The following LSAMP variants were observed in gnomAD, a reference collection of about 807,000 sequenced individuals.
LSAMP encodes limbic system-associated membrane protein.
In LSAMP, 7 loss-of-function variants were observed where a neutral mutation model predicts 38.6. The ratio of observed to expected loss-of-function variants is 0.18; its 90% CI spans 0.10 to 0.34. The LOEUF is 0.34. Ranked by LOEUF, LSAMP falls within the 10% of genes least tolerant of loss-of-function variation. The pLI is 1.00. For synonymous variants in LSAMP, 154 were observed against 166.8 expected, an observed-to-expected ratio of 0.92 and a Z score of 0.59; for missense variants, 313 against 420.0, an observed-to-expected ratio of 0.75 and a Z score of 2.23.
At chr3:116,032,870 A>G (rs902847995) in intron 2 of LSAMP, among the ~76,000 whole-genome samples, 3 of 152,166 alleles carry the variant, frequency 2.0e-5, no homozygotes, top group African/African-American at 7.2e-5. Context: ...CATATTGATT[A>G]AATTAAACAG....
chr3:116,194,377 T>TTTTGTTTGTTTG (rs138140039), intron 1 of LSAMP, among the ~76,000 whole-genome samples: 10 of 151,108 alleles, frequency 6.6e-5, no homozygotes, highest in East Asian at 2.0e-4. Context: ...GGGAATTGTT[T>TTTTGTTTGTTTG]TTTGTTTGTT....
chr3:115,886,554 A>G (rs1390118098), intron 3 of LSAMP, among the ~76,000 whole-genome samples: 1 of 152,012 alleles, frequency 6.6e-6, no homozygotes, highest in Non-Finnish European at 1.5e-5. Context: ...TTTTTCTTTC[A>G]GACTTGAAAT....
intron 1 of LSAMP, among the ~76,000 whole-genome samples, chr3:116,207,773 A>C (rs551189411): frequency 2.6e-4 from 39 of 152,160 alleles, no homozygotes; most frequent in Admixed American, 6.5e-4. Context: ...CCGAGAGATC[A>C]GCTGTTAGTC....
At chr3:116,300,286 A>G (rs1287235019) in intron 1 of LSAMP, among the ~76,000 whole-genome samples, 1 of 152,236 alleles carries the variant, frequency 6.6e-6, no homozygotes, top group Non-Finnish European at 1.5e-5. Context: ...AAGTCATAAC[A>G]GACAGCAAAA....
At chr3:116,403,574 T>C (rs979398707) in intron 1 of LSAMP, among the ~76,000 whole-genome samples, 6 of 152,084 alleles carry the variant, frequency 3.9e-5, no homozygotes, top group African/African-American at 7.2e-5. Context: ...ATTAATAAAA[T>C]TTAGCTAAAA....
In LSAMP at chr3:116,366,013, T is replaced by TAAAAAAA. The variant is rs67452614; in HGVS notation, c.155+78857_155+78863dup. On this transcript the variant is annotated intron_variant, in intron 1 of 6. Transcript: ENST00000490035. ...ATGTACCCTAAAACTTAGAGTATAA[T>TAAAAAAA]AAAAAAAAAAAAAAAAAAAAAAAAA... Among the ~76,000 whole-genome samples the TAAAAAAA allele has an allele frequency of 4.7e-3, 135 of 28,654 alleles. 10 individuals carry two copies. Among genetic ancestry groups the TAAAAAAA allele is most frequent in the East Asian group, 7.2e-3 (4 of 556 alleles). The allele number at this position is 28,654 out of a possible 152,430, so 18.8% of individuals were successfully genotyped here. A position where few individuals can be genotyped will look rare whatever the true frequency, so the allele number is the denominator to read the frequency against.
At chr3:116,432,033 A>T (rs1171374283) in intron 1 of LSAMP, among the ~76,000 whole-genome samples, 1 of 151,918 alleles carries the variant, frequency 6.6e-6, no homozygotes, top group Non-Finnish European at 1.5e-5. Context: ...ACATTGTCTG[A>T]CTCCCCTTAC....
chr3:116,091,559 TAATA>T (rs1274619092), intron 1 of LSAMP, among the ~76,000 whole-genome samples: 1 of 152,216 alleles, frequency 6.6e-6, no homozygotes, highest in Non-Finnish European at 1.5e-5. Context: ...TTTGGGGAAC[TAATA>T]AATGTCCATA....
chr3:116,067,634 A>G (rs2107372256), intron 2 of LSAMP, among the ~76,000 whole-genome samples: 1 of 152,302 alleles, frequency 6.6e-6, no homozygotes, highest in African/African-American at 2.4e-5. Flanking sequence ...GCCGGGCGGC[A>G]TTCTTGAACA....
intron 1 of LSAMP, among the ~76,000 whole-genome samples, chr3:116,383,291 T>C (rs1450066545): frequency 6.6e-6 from 1 of 152,136 alleles, no homozygotes; most frequent in African/African-American, 2.4e-5. Flanking sequence ...AGCTCCATTT[T>C]CTGTGTCATG....
At chr3:116,095,087 C>T (rs936473749) in intron 1 of LSAMP, among the ~76,000 whole-genome samples, 1 of 152,142 alleles carries the variant, frequency 6.6e-6, no homozygotes, top group African/African-American at 2.4e-5. Flanking sequence ...TTATATTTTG[C>T]AGTGTGATGA....
chr3:116,028,203 T>C (rs190747067), intron 2 of LSAMP, among the ~76,000 whole-genome samples: 16 of 152,282 alleles, frequency 1.1e-4, no homozygotes, highest in African/African-American at 3.8e-4. Flanking sequence ...AGAATAAAAA[T>C]ACACAATGCA....
intron 3 of LSAMP, among the ~76,000 whole-genome samples, chr3:115,983,170 G>T (rs1486376775): frequency 1.3e-5 from 2 of 151,928 alleles, no homozygotes; most frequent in East Asian, 3.9e-4. Flanking sequence ...TGGGTCATCT[G>T]GGTCACTATA....
intron 1 of LSAMP, among the ~76,000 whole-genome samples, chr3:116,287,706 G>T (rs1177449418): frequency 6.6e-6 from 1 of 151,964 alleles, no homozygotes; most frequent in Non-Finnish European, 1.5e-5. Flanking sequence ...AAAATAAATG[G>T]CCATTTATCT....
intron 1 of LSAMP, among the ~76,000 whole-genome samples, chr3:116,384,923 G>C (rs2048605686): frequency 6.6e-6 from 1 of 151,262 alleles, no homozygotes; most frequent in Non-Finnish European, 1.5e-5. Context: ...AAAGCTGTAT[G>C]TCAAAACAAC....
chr3:116,022,554 G>A, intron 2 of LSAMP, among the ~76,000 whole-genome samples: 1 of 152,064 alleles, frequency 6.6e-6, no homozygotes, highest in East Asian at 1.9e-4. Flanking sequence ...GCTCCTTCCA[G>A]TTGTTATTTT....
chr3:115,962,751 A>G (rs889599217), intron 3 of LSAMP, among the ~76,000 whole-genome samples: 2 of 152,256 alleles, frequency 1.3e-5, no homozygotes, highest in Admixed American at 1.3e-4. Flanking sequence ...AATTAGATCC[A>G]CAGGACATTG....
At chr3:116,008,755 G>T (rs1940239648) in intron 3 of LSAMP, among the ~76,000 whole-genome samples, 1 of 151,846 alleles carries the variant, frequency 6.6e-6, no homozygotes, top group Non-Finnish European at 1.5e-5. Flanking sequence ...GAACTTTAGT[G>T]TTACCAGATT....
intron 1 of LSAMP, among the ~76,000 whole-genome samples, chr3:116,224,698 T>C (rs915489197): frequency 6.6e-6 from 1 of 152,222 alleles, no homozygotes; most frequent in African/African-American, 2.4e-5. Flanking sequence ...GTCAAGCTTA[T>C]ACCAGTCAAA....
Sources: gnomAD v4.1 joint callset for allele counts (sites outside exome capture counted in the v4.1 genomes callset) on GRCh38, gnomAD v4.1.1 for gene constraint, MANE v1.5 for transcripts, NCBI Gene and HGNC (gene_info 2026-07-23, HGNC 2026-07-21) for gene names.